The following KCNH7 variants were observed in gnomAD, a reference collection of about 807,000 sequenced individuals.
The protein encoded by KCNH7 is voltage-gated inwardly rectifying potassium channel KCNH7.
A neutral mutation model predicts 120.8 loss-of-function variants in KCNH7; 49 were observed. That is an observed-to-expected ratio of 0.41 (90% confidence interval 0.32 to 0.51). The LOEUF (loss-of-function observed/expected upper bound fraction) is 0.51. KCNH7 is among the 20% of genes least tolerant of loss of function. The pLI, the probability that KCNH7 is intolerant of heterozygous loss-of-function variation, is 0.38. For missense variants in KCNH7, 1,097 were observed against 1,446.6 expected, an observed-to-expected ratio of 0.76 and a Z score of 3.92; for synonymous variants, 547 against 516.1, an observed-to-expected ratio of 1.06 and a Z score of -0.81.
chr2:162,572,352 A>T (rs1323998452), intron 2 of KCNH7, among the ~76,000 whole-genome samples: 1 of 134,920 alleles, frequency 7.4e-6, no homozygotes, highest in Non-Finnish European at 1.6e-5. Flanking sequence ...ATGAGATACC[A>T]TCTCACACCA....
intron 2 of KCNH7, among the ~76,000 whole-genome samples, chr2:162,704,746 C>T (rs1442504821): frequency 3.3e-5 from 5 of 152,188 alleles, no homozygotes; most frequent in Non-Finnish European, 7.3e-5. Context: ...AAAACCATGA[C>T]CTCCACTTGG....
rs775387589 is a variant in KCNH7, at chr2:162,838,465, G to T, written c.54C>A (p.Ile18=). The part of the protein sequence containing the change: ...VAPQNTFLGT[I]IRKFEGQNKK... ...TACTTTGCCCTTCAAATTTCCGAATGATGGTCCCCAGAAATGTATTTTGTG... is the reference window on the plus strand; with the variant it reads ...TACTTTGCCCTTCAAATTTCCGAATTATGGTCCCCAGAAATGTATTTTGTG... The change falls in exon 1 of 16, where the codon ATC becomes ATA. Residue 18 remains isoleucine, a synonymous_variant. Coordinates refer to ENST00000332142, the MANE Select transcript of KCNH7 (RefSeq NM_033272.4). 5 of 1,613,716 alleles carry T rather than the reference G, an allele frequency of 3.1e-6. No individual in the cohort carries two copies. Among genetic ancestry groups the T allele is most frequent in the East Asian group, 2.2e-5 (1 of 44,862 alleles).
intron 2 of KCNH7, among the ~76,000 whole-genome samples, chr2:162,605,073 G>A (rs1421797082): frequency 6.6e-6 from 1 of 151,984 alleles, no homozygotes; most frequent in Non-Finnish European, 1.5e-5. Flanking sequence ...AATTATTGAG[G>A]TGATAGACAA....
chr2:162,398,561 T>G (rs1213024202), intron 10 of KCNH7, among the ~76,000 whole-genome samples: 4 of 151,906 alleles, frequency 2.6e-5, no homozygotes, highest in Non-Finnish European at 5.9e-5. Flanking sequence ...TAGATATTAT[T>G]GTTTTTAAAA....
chr2:162,832,456 A>C (rs1283141138), intron 2 of KCNH7, among the ~76,000 whole-genome samples: 2 of 152,300 alleles, frequency 1.3e-5, no homozygotes, highest in Admixed American at 6.5e-5. Flanking sequence ...GATACACATA[A>C]GCATGTTTAT....
At chr2:162,766,005 C>A (rs933332195) in intron 2 of KCNH7, among the ~76,000 whole-genome samples, 3 of 152,048 alleles carry the variant, frequency 2.0e-5, no homozygotes, top group Non-Finnish European at 2.9e-5. Flanking sequence ...CATCCTCCTG[C>A]CTCAGCTTCC....
At chr2:162,799,876 T>A (rs1361061451) in intron 2 of KCNH7, among the ~76,000 whole-genome samples, 1 of 151,854 alleles carries the variant, frequency 6.6e-6, no homozygotes, top group Non-Finnish European at 1.5e-5. Context: ...TATTTCTGTA[T>A]TGCTGTCTTA....
chr2:162,707,925 A>T (rs1228187253), intron 2 of KCNH7, among the ~76,000 whole-genome samples: 1 of 151,830 alleles, frequency 6.6e-6, no homozygotes, highest in Non-Finnish European at 1.5e-5. Context: ...ATTTTCATCT[A>T]AACTTTATTC....
intron 2 of KCNH7, among the ~76,000 whole-genome samples, chr2:162,746,931 A>G (rs1178803457): frequency 1.3e-5 from 2 of 152,164 alleles, no homozygotes; most frequent in Non-Finnish European, 2.9e-5. Flanking sequence ...GAAGTTTTAA[A>G]TGATCCTTTT....
chr2:162,448,790 T>C (rs1688670371), intron 6 of KCNH7, among the ~76,000 whole-genome samples: 1 of 151,928 alleles, frequency 6.6e-6, no homozygotes, highest in Non-Finnish European at 1.5e-5. Context: ...GAGCTGGAGA[T>C]TGAAAGATGG....
chr2:162,714,069 T>A (rs996758900), intron 2 of KCNH7, among the ~76,000 whole-genome samples: 5 of 152,194 alleles, frequency 3.3e-5, no homozygotes, highest in African/African-American at 1.2e-4. Flanking sequence ...ATTCTAACAG[T>A]TGTAGTTGGA....
At chr2:162,800,667 T>C (rs1316407291) in intron 2 of KCNH7, among the ~76,000 whole-genome samples, 2 of 151,950 alleles carry the variant, frequency 1.3e-5, no homozygotes, top group Admixed American at 1.3e-4. Flanking sequence ...TACAAGAATA[T>C]CACATGTTAA....
At chr2:162,580,501 A>G (rs1449475251) in intron 2 of KCNH7, among the ~76,000 whole-genome samples, 1 of 152,034 alleles carries the variant, frequency 6.6e-6, no homozygotes, top group Non-Finnish European at 1.5e-5. Context: ...ATTCCACTCA[A>G]TTTTGTAATA....
At chr2:162,637,936 C>T (rs1317812195) in intron 2 of KCNH7, among the ~76,000 whole-genome samples, 2 of 151,968 alleles carry the variant, frequency 1.3e-5, no homozygotes, top group African/African-American at 4.8e-5. Context: ...CATTTTAATT[C>T]AAAGGGGTTA....
At chr2:162,381,418 G>A (rs911203953) in intron 13 of KCNH7, among the ~76,000 whole-genome samples, 10 of 152,070 alleles carry the variant, frequency 6.6e-5, no homozygotes, top group Non-Finnish European at 1.3e-4. Flanking sequence ...TCCAAGGGTA[G>A]TTTAAATGCA....
At chr2:162,828,723 G>A (rs1035930290) in intron 2 of KCNH7, among the ~76,000 whole-genome samples, 2 of 152,090 alleles carry the variant, frequency 1.3e-5, no homozygotes, top group Non-Finnish European at 2.9e-5. Context: ...ACGTGGCTCA[G>A]GGAACCTCAC....
At chr2:162,561,388 A>C (rs1693058549) in intron 2 of KCNH7, among the ~76,000 whole-genome samples, 2 of 152,208 alleles carry the variant, frequency 1.3e-5, no homozygotes, top group African/African-American at 4.8e-5. Context: ...AATAATTTAT[A>C]ATCCTTTGGG....
chr2:162,639,046 A>G (rs1292735179), intron 2 of KCNH7, among the ~76,000 whole-genome samples: 1 of 152,092 alleles, frequency 6.6e-6, no homozygotes, highest in Non-Finnish European at 1.5e-5. Context: ...CCTATTAGAT[A>G]CTAATAGCAC....
intron 2 of KCNH7, among the ~76,000 whole-genome samples, chr2:162,656,531 C>T (rs1029258502): frequency 3.3e-5 from 5 of 152,068 alleles, no homozygotes; most frequent in African/African-American, 1.2e-4. Context: ...AGTCATTACG[C>T]TGATTTAGTG....
Sources: gnomAD v4.1 joint callset for allele counts (sites outside exome capture counted in the v4.1 genomes callset) on GRCh38, gnomAD v4.1.1 for gene constraint, MANE v1.5 for transcripts, NCBI Gene and HGNC (gene_info 2026-07-23, HGNC 2026-07-21) for gene names.